The following CPLX1 variants were observed in gnomAD, a reference collection of about 807,000 sequenced individuals.
CPLX1 encodes the protein complexin-1.
Under a neutral mutation model 15.6 loss-of-function variants are expected in CPLX1, and 6 were observed. The ratio of observed to expected loss-of-function variants is 0.39; its 90% CI spans 0.21 to 0.76. CPLX1 has a LOEUF of 0.76. Ranked by LOEUF, CPLX1 falls within the 30% of genes least tolerant of loss-of-function variation. The pLI is 0.43. For missense variants in CPLX1, 242 were observed against 188.6 expected (o/e 1.28, Z -1.66); for synonymous variants, 91 against 75.2 (o/e 1.21, Z -1.08).
intron 3 of CPLX1, among the ~76,000 whole-genome samples, chr4:791,178 C>CG (rs1354266594): frequency 8.0e-5 from 6 of 75,146 alleles, no homozygotes; most frequent in South Asian, 5.1e-4. Flanking sequence ...AGCTGCGGGG[C>CG]GGGGGGCGGG....
At chr4:808,314 A>G (rs1051749990) in intron 2 of CPLX1, among the ~76,000 whole-genome samples, 1 of 152,190 alleles carries the variant, frequency 6.6e-6, no homozygotes, top group Non-Finnish European at 1.5e-5. Context: ...CTCTCTAACA[A>G]CAAACGAGTT....
intron 3 of CPLX1, chr4:788,247 A>C (rs3775137): frequency 0.27 from 267,292 of 985,088 alleles, 38,289 homozygotes; most frequent in African/African-American, 0.52. Context: ...CCTTCCTCCC[A>C]AATGGAGGGG....
chr4:807,597 C>A (rs1285753187), intron 2 of CPLX1, among the ~76,000 whole-genome samples: 1 of 152,012 alleles, frequency 6.6e-6, no homozygotes, highest in Non-Finnish European at 1.5e-5. Flanking sequence ...GCCTCAGCCT[C>A]CCAAGTAGCT....
At chr4:787,821 T>G (rs1201729720) in intron 3 of CPLX1, 1 of 985,252 alleles carries the variant, frequency 1.0e-6, no homozygotes, top group East Asian at 1.1e-4. Flanking sequence ...CCTGTGGTCA[T>G]GGTCAGGCCA....
intron 3 of CPLX1, chr4:787,181 G>C: frequency 2.0e-6 from 2 of 985,288 alleles, no homozygotes; most frequent in Non-Finnish European, 2.4e-6. Context: ...GGATGCGGCC[G>C]CGGCCCCAGC....
At position 826,100 on chromosome 4, in the gene CPLX1, T is replaced by A. The variant is rs1179239051; in HGVS notation, c.-134A>T. The A allele has an allele frequency of 7.0e-6, 1 of 142,974 alleles. No individual in the cohort carries two copies. Among genetic ancestry groups the A allele is most frequent in the Non-Finnish European group, 1.5e-5 (1 of 65,168 alleles). 8.9% of individuals were successfully genotyped at this position (142,974 alleles called of 1,614,324 possible). A position where few individuals can be genotyped will look rare whatever the true frequency, so the allele number is the denominator to read the frequency against. ...GGCGCGCTCGGGCCGGCTGGGTCCATGTGGCGCCCGGTGAGCTGCGGCGGC... is the reference window on the plus strand; with the variant it reads ...GGCGCGCTCGGGCCGGCTGGGTCCAAGTGGCGCCCGGTGAGCTGCGGCGGC... On this transcript the variant is annotated 5_prime_UTR_variant, in exon 1 of 4. It removes an upstream start codon present in the reference 5' UTR. Coordinates refer to ENST00000304062, the MANE Select transcript of CPLX1 (RefSeq NM_006651.4).
chr4:825,865 G>A (rs1746974363), intron 1 of CPLX1, among the ~76,000 whole-genome samples, 181 bp downstream of exon 1: 1 of 141,116 alleles, frequency 7.1e-6, no homozygotes, highest in African/African-American at 2.6e-5. Flanking sequence ...CCCGGGGAGC[G>A]GAGGCCGGGG....
In CPLX1 at chr4:810,088, T is replaced by C. The variant is rs551400839; in HGVS notation, c.31+14404A>G. On this transcript the variant is annotated intron_variant, in intron 2 of 3. Transcript: ENST00000304062. ...TTTTTGAGATGGAGTCTCGCTTCGTTGCCCAGGCTGGAGTGCAGTGGCATG... is the reference window on the plus strand; with the variant it reads ...TTTTTGAGATGGAGTCTCGCTTCGTCGCCCAGGCTGGAGTGCAGTGGCATG... Among the ~76,000 whole-genome samples the C allele has an allele frequency of 4.7e-3, 705 of 151,014 alleles. 2 individuals carry two copies. The highest frequency in any genetic ancestry group is 7.3e-3 in the Non-Finnish European group (495 of 67,680).
At chr4:809,919 C>T (rs1217805486) in intron 2 of CPLX1, among the ~76,000 whole-genome samples, 1 of 152,216 alleles carries the variant, frequency 6.6e-6, no homozygotes, top group African/African-American at 2.4e-5. Context: ...CACCCCATCA[C>T]ACCAGCAGCT....
At chr4:796,146 G>A (rs1392354867) in intron 2 of CPLX1, among the ~76,000 whole-genome samples, 1 of 152,150 alleles carries the variant, frequency 6.6e-6, no homozygotes, top group Non-Finnish European at 1.5e-5. Context: ...TTTAGTATAC[G>A]TTATACATAA....
At chr4:809,895 G>A (rs535861084) in intron 2 of CPLX1, among the ~76,000 whole-genome samples, 163 of 152,170 alleles carry the variant, frequency 1.1e-3, no homozygotes, top group South Asian at 4.6e-3. Context: ...TACTGAGTTC[G>A]CTGCTTTCTG....
intron 3 of CPLX1, 83 bp downstream of exon 3, chr4:792,350 C>T: frequency 7.6e-7 from 1 of 1,309,726 alleles, no homozygotes; most frequent in Non-Finnish European, 1.0e-6. Flanking sequence ...CTCTTCCGGG[C>T]AGCCCCTTCC....
At chr4:800,912 G>A (rs1222281646) in intron 2 of CPLX1, among the ~76,000 whole-genome samples, 1 of 151,684 alleles carries the variant, frequency 6.6e-6, no homozygotes, top group Non-Finnish European at 1.5e-5. Flanking sequence ...AGCTACTTGA[G>A]AGGCTGAGGC....
chr4:825,034 C>A (rs1458244652), intron 1 of CPLX1, among the ~76,000 whole-genome samples: 1 of 152,200 alleles, frequency 6.6e-6, no homozygotes, highest in African/African-American at 2.4e-5. Context: ...CCCTTCAGGG[C>A]GGGCTCCTGT....
chr4:806,275 C>G (rs561208096), intron 2 of CPLX1, among the ~76,000 whole-genome samples: 23 of 152,252 alleles, frequency 1.5e-4, no homozygotes, highest in Admixed American at 1.3e-3. Context: ...TGATTTTCAA[C>G]AAACCTGACA....
chr4:825,118 G>T (rs1238815572), intron 1 of CPLX1, among the ~76,000 whole-genome samples: 2 of 152,150 alleles, frequency 1.3e-5, no homozygotes. Context: ...CACATGGCCC[G>T]CGTAGAAGAG....
intron 2 of CPLX1, among the ~76,000 whole-genome samples, chr4:803,745 G>C (rs940092051): frequency 2.0e-5 from 3 of 151,182 alleles, no homozygotes; most frequent in South Asian, 2.1e-4. Flanking sequence ...ATCTTGGCTC[G>C]CTGCAACCTC....
intron 3 of CPLX1, among the ~76,000 whole-genome samples, chr4:791,253 T>A (rs3822028): frequency 4.4e-4 from 66 of 150,318 alleles, no homozygotes; most frequent in Non-Finnish European, 6.1e-4. Context: ...CAACAGGAGA[T>A]CCCTGGAAAC....
chr4:800,673 G>A lies in CPLX1; in HGVS notation c.32-8065C>T, dbSNP rs866243354. On this transcript the variant is annotated intron_variant, in intron 2 of 3. Transcript: ENST00000304062. ...AGGCCAAGGCGGGCAGATGACTTGA[G>A]GTCAGGAGTTCGAGACCAGCCTGGG... Among the ~76,000 whole-genome samples the A allele has an allele frequency of 2.2e-5, 3 of 138,450 alleles. No individual in the cohort carries two copies. The South Asian group carries it at 7.0e-4, about 32-fold the overall frequency. The allele number at this position is 138,450 out of a possible 152,430, so 90.8% of individuals were successfully genotyped here. A position where few individuals can be genotyped will look rare whatever the true frequency, so the allele number is the denominator to read the frequency against.
Sources: gnomAD v4.1 joint callset for allele counts (sites outside exome capture counted in the v4.1 genomes callset) on GRCh38, gnomAD v4.1.1 for gene constraint, MANE v1.5 for transcripts, NCBI Gene and HGNC (gene_info 2026-07-23, HGNC 2026-07-21) for gene names.